Variants in SPATA13 observed in about 807,000 individuals in gnomAD.
The protein encoded by SPATA13 is spermatogenesis-associated protein 13.
SPATA13 carries 50 observed loss-of-function variants against 104.0 expected under a neutral mutation model. That is an observed-to-expected ratio of 0.48 (90% CI 0.38 to 0.61). The LOEUF is 0.61. Ranked by LOEUF, SPATA13 falls within the 20% of genes least tolerant of loss-of-function variation. The probability of loss-of-function intolerance (pLI) is 0.00; values close to 1 mark genes in which losing one functional copy is unlikely to be tolerated. For missense variants in SPATA13, 1,524 were observed against 1,690.6 expected, an observed-to-expected ratio of 0.90 and a Z score of 1.73; for synonymous variants, 606 against 667.5, an observed-to-expected ratio of 0.91 and a Z score of 1.42.
chr13:24,230,226 C>A (rs1475201653), intron 2 of SPATA13, among the ~76,000 whole-genome samples: 3 of 152,202 alleles, frequency 2.0e-5, no homozygotes, highest in Non-Finnish European at 4.4e-5. Flanking sequence ...CCTCACCACT[C>A]AACACCTGCT....
intron 1 of SPATA13, among the ~76,000 whole-genome samples, chr13:24,198,615 G>A (rs145731690): frequency 3.9e-5 from 6 of 152,346 alleles, no homozygotes; most frequent in African/African-American, 1.4e-4. Context: ...TCAGTTTCTA[G>A]ATAAATGTTG....
At chr13:23,992,423 C>T (rs759165334) in intron 2 of SPATA13, among the ~76,000 whole-genome samples, 7 of 152,284 alleles carry the variant, frequency 4.6e-5, no homozygotes, top group East Asian at 1.9e-4. Context: ...AAAAATTTAC[C>T]GCCTGGATAC....
At position 24,190,126 on chromosome 13, in the gene SPATA13, A is replaced by C. The variant is rs190605928; in HGVS notation, c.-112+29194A>C. Among the ~76,000 whole-genome samples the C allele has an allele frequency of 8.5e-3, 17 of 1,994 alleles. 2 individuals carry two copies. The highest frequency in any genetic ancestry group is 8.8e-3 in the African/African-American group (17 of 1,936). 1.3% of individuals were successfully genotyped at this position (1,994 alleles called of 152,430 possible). A position where few individuals can be genotyped will look rare whatever the true frequency, so the allele number is the denominator to read the frequency against. On this transcript the variant is annotated intron_variant, in intron 1 of 12. Transcript: ENST00000382108. ...AATATATATTATTATATAACATAAT[A>C]ATATACAATATATATTATTATATAA... is the stretch of plus-strand genomic sequence containing the variant.
At chr13:24,171,888 T>A (rs1232846202) in intron 1 of SPATA13, among the ~76,000 whole-genome samples, 3 of 152,176 alleles carry the variant, frequency 2.0e-5, no homozygotes, top group African/African-American at 7.2e-5. Flanking sequence ...AGTATATAAT[T>A]GTATCAGCAA....
chr13:24,097,941 GC>G (rs746814900), intron 3 of SPATA13, among the ~76,000 whole-genome samples: 5 of 152,186 alleles, frequency 3.3e-5, no homozygotes, highest in Non-Finnish European at 7.4e-5. Context: ...TTCAGAATAA[GC>G]CACTGTGGTT....
At chr13:24,168,030 G>T (rs1220583) in intron 1 of SPATA13, among the ~76,000 whole-genome samples, 110,348 of 152,038 alleles carry the variant, frequency 0.73, 40,351 homozygotes, top group African/African-American at 0.8. Flanking sequence ...TCTGCCTCTT[G>T]ATGACGTAAT....
rs1048929855 is a variant in SPATA13 at position 24,026,054 on chromosome 13, C to T, written c.-112+8353C>T. Among the ~76,000 whole-genome samples, 10 of 152,088 alleles carry T rather than the reference C, an allele frequency of 6.6e-5. No homozygotes were observed. In the South Asian group the frequency reaches 8.3e-4, roughly 13 times the overall value. ...TCTGGACCTCGTGATCCACCTGCCTCGGCCTTCTAAATACCTTTTCTTTTT... is the reference window on the plus strand; with the variant it reads ...TCTGGACCTCGTGATCCACCTGCCTTGGCCTTCTAAATACCTTTTCTTTTT... On this transcript the variant is annotated intron_variant, in intron 3 of 14. Coordinates refer to the SPATA13 transcript ENST00000424834.
intron 1 of SPATA13, among the ~76,000 whole-genome samples, chr13:24,213,183 G>A (rs202113391): frequency 1.4e-4 from 22 of 152,354 alleles, no homozygotes; most frequent in East Asian, 9.6e-4. Context: ...GATGAGAGCA[G>A]CTCAGAGATG....
chr13:24,133,490 A>G (rs1339079223), intron 3 of SPATA13, among the ~76,000 whole-genome samples: 1 of 152,208 alleles, frequency 6.6e-6, no homozygotes, highest in Non-Finnish European at 1.5e-5. Flanking sequence ...CCCTGGAACT[A>G]GATACCCCTG....
intron 2 of SPATA13, among the ~76,000 whole-genome samples, chr13:24,228,646 A>G (rs1193251935): frequency 6.6e-6 from 1 of 152,100 alleles, no homozygotes; most frequent in Non-Finnish European, 1.5e-5. Flanking sequence ...GTTAAAAGCA[A>G]TTTTTGTCTA....
At chr13:24,207,013 A>G (rs1870739594) in intron 1 of SPATA13, among the ~76,000 whole-genome samples, 1 of 152,226 alleles carries the variant, frequency 6.6e-6, no homozygotes, top group South Asian at 2.1e-4. Flanking sequence ...AGTGGTATGT[A>G]TACACCATGG....
intron 4 of SPATA13, among the ~76,000 whole-genome samples, chr13:24,282,152 C>T (rs1013957470): frequency 4.0e-5 from 6 of 150,660 alleles, no homozygotes; most frequent in African/African-American, 1.2e-4. Flanking sequence ...GAGCAGGAGG[C>T]TAAGCATGAT....
chr13:24,174,310 T>G (rs1206776954), intron 1 of SPATA13, among the ~76,000 whole-genome samples: 1 of 152,146 alleles, frequency 6.6e-6, no homozygotes, highest in Non-Finnish European at 1.5e-5. Flanking sequence ...TTTCTATTGA[T>G]ATTTGTTTTT....
chr13:24,215,958 T>C (rs939099059), intron 1 of SPATA13, among the ~76,000 whole-genome samples: 1 of 152,204 alleles, frequency 6.6e-6, no homozygotes, highest in Non-Finnish European at 1.5e-5. Context: ...GGGAACTTCA[T>C]TGTTACTGCT....
chr13:24,170,352 G>A (rs1232051206), intron 1 of SPATA13, among the ~76,000 whole-genome samples: 2 of 152,154 alleles, frequency 1.3e-5, no homozygotes, highest in African/African-American at 4.8e-5. Flanking sequence ...GGCTGGAATC[G>A]TCCAAATGGA....
intron 3 of SPATA13, among the ~76,000 whole-genome samples, chr13:24,073,580 C>T (rs562709494): frequency 6.6e-6 from 1 of 152,318 alleles, no homozygotes; most frequent in South Asian, 2.1e-4. Flanking sequence ...GCTACTGCCA[C>T]ATTTGAGTAA....
At chr13:24,019,383 C>T (rs1050542935) in intron 3 of SPATA13, among the ~76,000 whole-genome samples, 2 of 152,088 alleles carry the variant, frequency 1.3e-5, no homozygotes, top group African/African-American at 2.4e-5. Context: ...CCACCACACC[C>T]GGCCATGATT....
chr13:24,030,290 A>T (rs974511095), intron 3 of SPATA13, among the ~76,000 whole-genome samples: 1 of 152,168 alleles, frequency 6.6e-6, no homozygotes, highest in South Asian at 2.1e-4. Context: ...ATAGTATCAG[A>T]TGGAAGAGTT....
chr13:24,228,332 G>C (rs758577144), intron 2 of SPATA13, among the ~76,000 whole-genome samples: 3 of 151,920 alleles, frequency 2.0e-5, no homozygotes, highest in Non-Finnish European at 4.4e-5. Context: ...AGCCAGGATG[G>C]TGTCGATCTC....
Sources: allele counts gnomAD v4.1 joint callset (sites outside exome capture counted in the v4.1 genomes callset), GRCh38; gene constraint gnomAD v4.1.1; transcripts MANE v1.5; gene names NCBI Gene and HGNC (gene_info 2026-07-23, HGNC 2026-07-21).